SLIT3: variants seen among roughly 807,000 people sequenced by gnomAD.
SLIT3 encodes the protein slit homolog 3 protein.
SLIT3 carries 68 observed loss-of-function variants against 184.0 expected under a neutral mutation model. That is an observed-to-expected ratio of 0.37 (90% CI 0.30 to 0.45). The LOEUF is 0.45. Ranked by LOEUF, SLIT3 falls within the 20% of genes least tolerant of loss-of-function variation. The probability of loss-of-function intolerance (pLI) is 1.00; values close to 1 mark genes in which losing one functional copy is unlikely to be tolerated. For synonymous variants in SLIT3, 831 were observed against 828.6 expected (o/e 1.00, Z -0.05); for missense variants, 1,707 against 2,026.0 (o/e 0.84, Z 3.02).
Position 168,760,913 on chromosome 5 carries a change from G to A in SLIT3, c.1634C>T (p.Ser545Phe). 1 of 1,613,986 alleles carries A rather than the reference G, an allele frequency of 6.2e-7. No individual in the cohort carries two copies. Among genetic ancestry groups the A allele is most frequent in the Non-Finnish European group, 8.5e-7 (1 of 1,179,856 alleles). Residue 545 changes from serine (S) to phenylalanine (F), a missense_variant, in exon 16 of 36, where the codon TCT becomes TTT. Transcript: ENST00000519560. Reference protein sequence around the residue: ...TDLRLNDNEVSVLEATGIFKK... With the variant: ...TDLRLNDNEVFVLEATGIFKK... ...GAAGATGCCAGTGGCCTCCAGAACAGATACCTCATTGTCATTCAGTCGCCT... is the reference window on the plus strand; with the variant it reads ...GAAGATGCCAGTGGCCTCCAGAACAAATACCTCATTGTCATTCAGTCGCCT...
chr5:169,150,268 T>C (rs1762070745), intron 4 of SLIT3, among the ~76,000 whole-genome samples: 1 of 152,170 alleles, frequency 6.6e-6, no homozygotes, highest in African/African-American at 2.4e-5. Flanking sequence ...TACCAGGCAC[T>C]TCACGGCAGA....
intron 20 of SLIT3, among the ~76,000 whole-genome samples, chr5:168,731,775 AAACT>A (rs1379330842): frequency 6.6e-6 from 1 of 152,136 alleles, no homozygotes; most frequent in Non-Finnish European, 1.5e-5. Flanking sequence ...AAAATTTAGC[AAACT>A]AGGCATACAA....
chr5:168,870,839 G>A (rs765597833), intron 5 of SLIT3, among the ~76,000 whole-genome samples: 1 of 152,166 alleles, frequency 6.6e-6, no homozygotes, highest in Non-Finnish European at 1.5e-5. Flanking sequence ...AAGCACCAGA[G>A]TTTCTCAGAA....
intron 4 of SLIT3, among the ~76,000 whole-genome samples, chr5:168,958,464 G>A (rs2113273046): frequency 6.6e-6 from 1 of 152,308 alleles, no homozygotes; most frequent in Admixed American, 6.5e-5. Flanking sequence ...AGAAACCTGT[G>A]AAAGATGTAT....
chr5:168,941,011 A>G (rs1185974404), intron 4 of SLIT3, among the ~76,000 whole-genome samples: 1 of 152,242 alleles, frequency 6.6e-6, no homozygotes, highest in Non-Finnish European at 1.5e-5. Context: ...AGGCCACAGG[A>G]CTTGGACAAT....
chr5:168,694,266 T>C (rs1247515325), intron 28 of SLIT3, among the ~76,000 whole-genome samples: 1 of 150,740 alleles, frequency 6.6e-6, no homozygotes, highest in Non-Finnish European at 1.5e-5. Flanking sequence ...CACAAAGCCT[T>C]TGTTAGAGCC....
At chr5:169,245,991 A>T (rs1765575004) in intron 2 of SLIT3, among the ~76,000 whole-genome samples, 1 of 152,174 alleles carries the variant, frequency 6.6e-6, no homozygotes, top group African/African-American at 2.4e-5. Flanking sequence ...ATGAAAACCT[A>T]TAGAAGACTT....
chr5:168,677,739 G>A (rs571412848), intron 32 of SLIT3, among the ~76,000 whole-genome samples: 9 of 152,208 alleles, frequency 5.9e-5, no homozygotes, highest in Admixed American at 3.9e-4. Flanking sequence ...GTGAGCCAGC[G>A]TGCCTGGCCC....
At chr5:169,044,259 C>A (rs974002694) in intron 4 of SLIT3, among the ~76,000 whole-genome samples, 2 of 152,176 alleles carry the variant, frequency 1.3e-5, no homozygotes, top group African/African-American at 2.4e-5. Context: ...TATAGAATTA[C>A]CATGTGACCC....
At chr5:169,288,004 A>T (rs563862194) in intron 1 of SLIT3, among the ~76,000 whole-genome samples, 2 of 152,210 alleles carry the variant, frequency 1.3e-5, no homozygotes, top group Admixed American at 6.5e-5. Flanking sequence ...TTTTATTCCA[A>T]ATCCCCCTCC....
chr5:169,113,652 CTTTTTCTTTTTTTTTT>C (rs1561673362), intron 4 of SLIT3, among the ~76,000 whole-genome samples: 1 of 144,072 alleles, frequency 6.9e-6, no homozygotes, highest in African/African-American at 2.6e-5. Flanking sequence ...CCTTTTTTTT[CTTTTTCTTTTTTTTTT>C]TTTTTTGAGA....
intron 21 of SLIT3, among the ~76,000 whole-genome samples, chr5:168,723,519 C>T (rs1357851464): frequency 6.6e-6 from 1 of 152,224 alleles, no homozygotes; most frequent in Non-Finnish European, 1.5e-5. Flanking sequence ...TTTCACTGTA[C>T]CAACAAAATA....
At chr5:169,038,760 T>C (rs1757345885) in intron 4 of SLIT3, among the ~76,000 whole-genome samples, 1 of 139,584 alleles carries the variant, frequency 7.2e-6, no homozygotes, top group Non-Finnish European at 1.5e-5. Context: ...ACAGCCTGCG[T>C]TCTATGGCAC....
chr5:168,937,133 G>A (rs1364616308), intron 4 of SLIT3, among the ~76,000 whole-genome samples: 1 of 152,062 alleles, frequency 6.6e-6, no homozygotes. Context: ...AAGCTCATAT[G>A]AAGCCTTGGA....
intron 5 of SLIT3, among the ~76,000 whole-genome samples, chr5:168,847,069 C>G (rs1181425890): frequency 1.3e-5 from 2 of 152,178 alleles, no homozygotes; most frequent in African/African-American, 2.4e-5. Flanking sequence ...TTTGAGAGGG[C>G]TCTGATCATT....
chr5:168,963,599 T>C (rs923257242), intron 4 of SLIT3, among the ~76,000 whole-genome samples: 2 of 152,236 alleles, frequency 1.3e-5, no homozygotes, highest in Non-Finnish European at 2.9e-5. Context: ...AAAAGATCAG[T>C]GACCCCTGGA....
intron 4 of SLIT3, among the ~76,000 whole-genome samples, chr5:169,071,593 G>A (rs1758551116): frequency 6.6e-6 from 1 of 152,170 alleles, no homozygotes; most frequent in African/African-American, 2.4e-5. Context: ...ATGAAGCTGT[G>A]CTCCATATTT....
At chr5:168,913,756 A>AAAAC (rs56236157) in intron 4 of SLIT3, among the ~76,000 whole-genome samples, 10 of 150,530 alleles carry the variant, frequency 6.6e-5, no homozygotes, top group African/African-American at 2.4e-4. Context: ...AAAAAAACAA[A>AAAAC]CAAACAAAAA....
intron 4 of SLIT3, among the ~76,000 whole-genome samples, chr5:169,144,711 C>T (rs564294460): frequency 2.6e-5 from 4 of 152,214 alleles, no homozygotes; most frequent in Non-Finnish European, 4.4e-5. Flanking sequence ...TCCAGGCCTT[C>T]GGGCTGACTT....
Sources: gnomAD v4.1 joint callset for allele counts (sites outside exome capture counted in the v4.1 genomes callset) on GRCh38, gnomAD v4.1.1 for gene constraint, MANE v1.5 for transcripts, NCBI Gene and HGNC (gene_info 2026-07-23, HGNC 2026-07-21) for gene names.